Variants in CTNNA2 observed in about 807,000 individuals in gnomAD.
The protein encoded by CTNNA2 is catenin alpha 2.
In CTNNA2, 42 loss-of-function variants were observed where a neutral mutation model predicts 101.0. The observed-to-expected ratio is 0.42, with a 90% CI of 0.32 to 0.54. CTNNA2 has a LOEUF of 0.54. Among genes scored for constraint, CTNNA2 ranks in the 20% least tolerant of loss-of-function variants. CTNNA2 has a pLI of 0.14. For missense variants in CTNNA2, 871 were observed against 1,223.1 expected (o/e 0.71, Z 4.29); for synonymous variants, 450 against 456.4 (o/e 0.99, Z 0.18).
chr2:79,572,952 C>G (rs1675552184), intron 1 of CTNNA2, among the ~76,000 whole-genome samples: 1 of 152,010 alleles, frequency 6.6e-6, no homozygotes. Flanking sequence ...CTGCCACGGC[C>G]AGAATGTTTC....
intron 2 of CTNNA2, among the ~76,000 whole-genome samples, chr2:79,722,300 G>A (rs1235337154): frequency 2.6e-5 from 4 of 152,166 alleles, no homozygotes; most frequent in African/African-American, 9.7e-5. Flanking sequence ...AGCCAAAAGT[G>A]TGAGGGGGTG....
intron 7 of CTNNA2, among the ~76,000 whole-genome samples, chr2:80,251,754 C>G (rs1671784603): frequency 6.6e-6 from 1 of 152,118 alleles, no homozygotes; most frequent in Non-Finnish European, 1.5e-5. Flanking sequence ...CTTTGGGCCC[C>G]ATATTAATCC....
At chr2:79,834,308 T>C (rs537059699) in intron 3 of CTNNA2, among the ~76,000 whole-genome samples, 1 of 152,244 alleles carries the variant, frequency 6.6e-6, no homozygotes, top group African/African-American at 2.4e-5. Context: ...AGTAGTTGTA[T>C]TCTCTAGTAG....
chr2:80,190,888 C>T (rs767938524), intron 7 of CTNNA2, among the ~76,000 whole-genome samples: 1 of 152,134 alleles, frequency 6.6e-6, no homozygotes, highest in Non-Finnish European at 1.5e-5. Context: ...GCTGTTCAGT[C>T]GTTGCTGTTG....
At chr2:80,590,213 C>T (rs576391134) in intron 15 of CTNNA2, among the ~76,000 whole-genome samples, 56 of 152,236 alleles carry the variant, frequency 3.7e-4, no homozygotes, top group Admixed American at 1.6e-3. Flanking sequence ...GCCCTTTCAA[C>T]ACAAAGGACA....
At chr2:80,159,635 A>G (rs1704190673) in intron 7 of CTNNA2, among the ~76,000 whole-genome samples, 1 of 151,736 alleles carries the variant, frequency 6.6e-6, no homozygotes, top group Non-Finnish European at 1.5e-5. Context: ...GCACCACCAG[A>G]GCTAATTTTT....
intron 7 of CTNNA2, among the ~76,000 whole-genome samples, chr2:79,929,998 A>C (rs939669248): frequency 1.3e-5 from 2 of 152,044 alleles, no homozygotes; most frequent in Non-Finnish European, 2.9e-5. Flanking sequence ...GCACTTTGAG[A>C]GGCTAAGGTG....
intron 4 of CTNNA2, among the ~76,000 whole-genome samples, chr2:79,485,221 TA>T (rs11320348): frequency 0.19 from 28,848 of 150,334 alleles, 2,895 homozygotes; most frequent in Middle Eastern, 0.3. Context: ...TTATACTAAG[TA>T]AAAAAAAAAT....
chr2:80,019,697 G>C (rs1262302383), intron 7 of CTNNA2, among the ~76,000 whole-genome samples: 1 of 152,056 alleles, frequency 6.6e-6, no homozygotes, highest in Non-Finnish European at 1.5e-5. Context: ...GACATCTCTT[G>C]CCCCTCAGAA....
chr2:80,550,501 G>C (rs1692472417), intron 11 of CTNNA2, among the ~76,000 whole-genome samples: 1 of 152,176 alleles, frequency 6.6e-6, no homozygotes, highest in Non-Finnish European at 1.5e-5. Flanking sequence ...ATCCACAGTA[G>C]AACTTCTTTC....
chr2:80,465,443 C>T (rs1032706048), intron 9 of CTNNA2, among the ~76,000 whole-genome samples: 2 of 152,150 alleles, frequency 1.3e-5, no homozygotes, highest in African/African-American at 4.8e-5. Flanking sequence ...TGGGTGACAA[C>T]AACGTAAATT....
intron 2 of CTNNA2, among the ~76,000 whole-genome samples, chr2:79,274,236 A>G (rs12622013): frequency 0.14 from 21,404 of 151,988 alleles, 1,607 homozygotes; most frequent in African/African-American, 0.2. Flanking sequence ...TATTTTAAAG[A>G]TGAGGAAACA....
intron 12 of CTNNA2, among the ~76,000 whole-genome samples, chr2:80,560,054 C>CAAAAAAAAAAA (rs70940085): frequency 1.8e-5 from 1 of 55,042 alleles, no homozygotes; most frequent in African/African-American, 6.6e-5. Context: ...AACAATAGAC[C>CAAAAAAAAAAA]AAAAAAAAAA....
intron 2 of CTNNA2, among the ~76,000 whole-genome samples, chr2:79,283,075 G>C (rs75376159): frequency 0.43 from 22,039 of 51,480 alleles, 6,853 homozygotes; most frequent in Middle Eastern, 0.55. Flanking sequence ...AGTGTCTGTT[G>C]ATGTCCTTTG....
chr2:80,397,859 A>G (rs1678169300), intron 8 of CTNNA2, among the ~76,000 whole-genome samples: 1 of 152,144 alleles, frequency 6.6e-6, no homozygotes, highest in African/African-American at 2.4e-5. Context: ...TCTCCGTAGA[A>G]CCAACATAAG....
intron 4 of CTNNA2, among the ~76,000 whole-genome samples, chr2:79,407,872 T>C (rs1337848995): frequency 6.6e-6 from 1 of 152,058 alleles, no homozygotes; most frequent in Non-Finnish European, 1.5e-5. Flanking sequence ...CCAAAACATG[T>C]ATGTGTACAG....
At chr2:80,441,162 G>A (rs1245073696) in intron 9 of CTNNA2, among the ~76,000 whole-genome samples, 1 of 152,202 alleles carries the variant, frequency 6.6e-6, no homozygotes, top group African/African-American at 2.4e-5. Context: ...TACATGGTGG[G>A]TGGAAGGAGA....
chr2:79,799,251 T>C (rs1675968441), intron 3 of CTNNA2, among the ~76,000 whole-genome samples: 1 of 152,020 alleles, frequency 6.6e-6, no homozygotes, highest in Non-Finnish European at 1.5e-5. Context: ...TATATAAACA[T>C]TGTATGTATG....
intron 9 of CTNNA2, among the ~76,000 whole-genome samples, chr2:80,505,500 C>A (rs1688203455): frequency 6.6e-6 from 1 of 152,216 alleles, no homozygotes; most frequent in Non-Finnish European, 1.5e-5. Flanking sequence ...TGAGATCATG[C>A]ATATCAACAA....
Sources: gnomAD v4.1 joint callset for allele counts (sites outside exome capture counted in the v4.1 genomes callset) on GRCh38, gnomAD v4.1.1 for gene constraint, MANE v1.5 for transcripts, NCBI Gene and HGNC (gene_info 2026-07-23, HGNC 2026-07-21) for gene names.